The following KCNMA1 variants were observed in gnomAD, a reference collection of about 807,000 sequenced individuals.
KCNMA1 encodes Calcium-activated potassium channel subunit alpha-1.
A neutral mutation model predicts 140.0 loss-of-function variants in KCNMA1; 29 were observed. That is an observed-to-expected ratio of 0.21 (90% CI 0.15 to 0.28). KCNMA1 has a LOEUF of 0.28. Among genes scored for constraint, KCNMA1 ranks in the 10% least tolerant of loss-of-function variants. The pLI, the probability that KCNMA1 is intolerant of heterozygous loss-of-function variation, is 1.00. For synonymous variants in KCNMA1, 612 were observed against 611.9 expected (o/e 1.00, Z 0.00); for missense variants, 880 against 1,602.2 (o/e 0.55, Z 7.70).
At chr10:77,631,024 T>C (rs1274013088) in intron 1 of KCNMA1, among the ~76,000 whole-genome samples, 2 of 147,684 alleles carry the variant, frequency 1.4e-5, no homozygotes, top group African/African-American at 5.1e-5. Context: ...AGAGGATCAC[T>C]TGAGCCTGGG....
chr10:77,498,556 G>C (rs1029229596), intron 1 of KCNMA1: 6 of 152,148 alleles, frequency 3.9e-5, no homozygotes, highest in African/African-American at 1.4e-4. Flanking sequence ...TCCCCTTCTG[G>C]AACTATTCAT....
At chr10:77,146,701 CAAAAAAAAAAAAAAA>C (rs5786266) in intron 5 of KCNMA1, among the ~76,000 whole-genome samples, 3 of 64,190 alleles carry the variant, frequency 4.7e-5, no homozygotes, top group East Asian at 8.0e-4. Flanking sequence ...GACTTCATCT[CAAAAAAAAAAAAAAA>C]AAAAAAAAAA....
intron 2 of KCNMA1, among the ~76,000 whole-genome samples, chr10:77,299,052 A>G (rs539855717): frequency 1.3e-5 from 2 of 152,368 alleles, no homozygotes; most frequent in South Asian, 4.1e-4. Flanking sequence ...CTGGTTTCAT[A>G]GTAGTTCAGT....
At chr10:77,176,506 T>C (rs373675048) in intron 5 of KCNMA1, among the ~76,000 whole-genome samples, 3 of 152,038 alleles carry the variant, frequency 2.0e-5, no homozygotes, top group Admixed American at 6.6e-5. Context: ...GGGAGGGTGT[T>C]GAGCTTCAAT....
intron 9 of KCNMA1, among the ~76,000 whole-genome samples, chr10:77,106,517 T>C (rs2097201598): frequency 6.9e-6 from 1 of 144,724 alleles, no homozygotes; most frequent in African/African-American, 2.6e-5. Flanking sequence ...CACCCACATT[T>C]GACTAGGAAA....
chr10:77,288,718 G>T (rs949869585), intron 2 of KCNMA1, among the ~76,000 whole-genome samples: 2 of 152,148 alleles, frequency 1.3e-5, no homozygotes, highest in African/African-American at 2.4e-5. Flanking sequence ...ATAATCTAGT[G>T]CCTCTCAATA....
chr10:77,053,091 A>G (rs1270446866), intron 14 of KCNMA1, among the ~76,000 whole-genome samples: 1 of 152,068 alleles, frequency 6.6e-6, no homozygotes, highest in African/African-American at 2.4e-5. Context: ...GCAGGCCATC[A>G]CCCTGCAGTT....
chr10:77,453,587 C>T (rs766369927), intron 1 of KCNMA1, among the ~76,000 whole-genome samples: 2 of 152,166 alleles, frequency 1.3e-5, no homozygotes, highest in East Asian at 1.9e-4. Context: ...CTGGAGAGAG[C>T]GTCCAAGTCA....
intron 3 of KCNMA1, chr10:77,250,740 A>G (rs2059515092): frequency 5.0e-6 from 1 of 200,522 alleles, no homozygotes; most frequent in South Asian, 8.9e-5. Flanking sequence ...GGATAGCATC[A>G]TGCTTTCTAA....
At chr10:77,105,332 C>G (rs958081239) in intron 9 of KCNMA1, among the ~76,000 whole-genome samples, 3 of 152,138 alleles carry the variant, frequency 2.0e-5, no homozygotes, top group African/African-American at 4.8e-5. Flanking sequence ...AATGAAATGC[C>G]AATGAAATCT....
downstream of KCNMA1, among the ~76,000 whole-genome samples, chr10:76,880,944 C>T (rs2034408607): frequency 6.6e-6 from 1 of 152,154 alleles, no homozygotes; most frequent in Non-Finnish European, 1.5e-5. Context: ...TCTTAATAAG[C>T]TTCTTAAGGA....
In KCNMA1 at chr10:77,110,354, T is replaced by C. The variant is rs771795940; in HGVS notation, c.961-11A>G. The C allele has an allele frequency of 3.7e-6, 6 of 1,611,474 alleles. No homozygotes were observed. The highest frequency in any genetic ancestry group is 1.1e-5 in the South Asian group (1 of 91,028). On this transcript the variant is annotated splice_polypyrimidine_tract_variant and intron_variant, in intron 7 of 27. Transcript: ENST00000286628. ...CCCTGAATTCTCCACCTAAAGCAAA[T>C]GGGACAGGGGAGAAAAAAGAAAAAC...
At chr10:77,372,999 T>C (rs2094843375) in intron 2 of KCNMA1, 1 of 152,240 alleles carries the variant, frequency 6.6e-6, no homozygotes, top group Non-Finnish European at 1.5e-5. Flanking sequence ...AGCCAGATTA[T>C]GTGAAGTTAC....
chr10:77,243,177 G>A (rs1027515349), intron 3 of KCNMA1, among the ~76,000 whole-genome samples: 4 of 144,830 alleles, frequency 2.8e-5, no homozygotes, highest in African/African-American at 7.6e-5. Flanking sequence ...TGATAAAGCT[G>A]TAAAAGCTGC....
At chr10:76,969,354 T>C (rs2075320172) in intron 20 of KCNMA1, among the ~76,000 whole-genome samples, 2 of 104,400 alleles carry the variant, frequency 1.9e-5, no homozygotes, top group South Asian at 6.1e-4. Flanking sequence ...AACATGTACA[T>C]GCATGCTGTA....
At chr10:77,570,909 C>G (rs1330483419) in intron 1 of KCNMA1, among the ~76,000 whole-genome samples, 1 of 140,206 alleles carries the variant, frequency 7.1e-6, no homozygotes, top group African/African-American at 2.7e-5. Context: ...AGAACCTGGG[C>G]AACAGAGCCA....
At chr10:76,895,488 G>A (rs1156506479) in intron 25 of KCNMA1, among the ~76,000 whole-genome samples, 3 of 152,152 alleles carry the variant, frequency 2.0e-5, no homozygotes, top group African/African-American at 4.8e-5. Context: ...CGTGTACACA[G>A]ATGTTTATAG....
At chr10:77,017,270 T>C (rs1000339390) in intron 17 of KCNMA1, among the ~76,000 whole-genome samples, 1 of 152,232 alleles carries the variant, frequency 6.6e-6, no homozygotes, top group Admixed American at 6.5e-5. Context: ...ATGGTTCTCC[T>C]GTGCTCCCCA....
chr10:77,395,315 A>C (rs141632532), intron 2 of KCNMA1, among the ~76,000 whole-genome samples: 142 of 152,184 alleles, frequency 9.3e-4, no homozygotes, highest in Middle Eastern at 6.8e-3. Flanking sequence ...GCACCAATGC[A>C]CTCCAGCCTG....
Sources: gnomAD v4.1 joint callset for allele counts (sites outside exome capture counted in the v4.1 genomes callset) on GRCh38, gnomAD v4.1.1 for gene constraint, MANE v1.5 for transcripts, NCBI Gene and HGNC (gene_info 2026-07-23, HGNC 2026-07-21) for gene names.